SEPTIN9: variants seen among roughly 807,000 people sequenced by gnomAD.
SEPTIN9 encodes septin 9.
In SEPTIN9, 13 loss-of-function variants were observed where a neutral mutation model predicts 56.6. The observed-to-expected ratio is 0.23, with a 90% confidence interval of 0.15 to 0.37. SEPTIN9 has a LOEUF of 0.37. Ranked by LOEUF, SEPTIN9 falls within the 10% of genes least tolerant of loss-of-function variation. The pLI, the probability that SEPTIN9 is intolerant of heterozygous loss-of-function variation, is 1.00. For synonymous variants in SEPTIN9, 332 were observed against 334.1 expected, an observed-to-expected ratio of 0.99 and a Z score of 0.07; for missense variants, 650 against 823.1, an observed-to-expected ratio of 0.79 and a Z score of 2.57.
intron 3 of SEPTIN9, among the ~76,000 whole-genome samples, chr17:77,427,958 A>G (rs1441155579): frequency 6.6e-6 from 1 of 152,198 alleles, no homozygotes; most frequent in Non-Finnish European, 1.5e-5. Context: ...CCCCAGGCCC[A>G]GTTAGCCTGG....
intron 3 of SEPTIN9, among the ~76,000 whole-genome samples, chr17:77,458,821 G>A (rs72887160): frequency 0.01 from 1,548 of 152,356 alleles, 11 homozygotes; most frequent in Middle Eastern, 0.02. Context: ...GTCCCAGGAA[G>A]GTGGAGACTG....
intron 2 of SEPTIN9, among the ~76,000 whole-genome samples, chr17:77,334,207 G>A (rs993267475): frequency 6.6e-6 from 1 of 152,204 alleles, no homozygotes; most frequent in Non-Finnish European, 1.5e-5. Flanking sequence ...CAGATCACGA[G>A]GTCAGGAGAT....
intron 4 of SEPTIN9, among the ~76,000 whole-genome samples, chr17:77,486,667 G>GT (rs1403181086): frequency 6.6e-5 from 10 of 152,068 alleles, no homozygotes; most frequent in African/African-American, 2.4e-4. Flanking sequence ...TGAGGTGTGT[G>GT]TATGAGGTGT....
chr17:77,402,585 C>CCCCAG lies in SEPTIN9; in HGVS notation c.614_618dup (p.Thr207ProfsTer89). On this transcript the variant is annotated frameshift_variant, in exon 3 of 12. Transcript: ENST00000427177. LOFTEE classifies it high-confidence loss of function. This position sits in a 1 kb window ranked among gnomAD's most constrained non-coding sequence, Gnocchi z 6.6. ...CCAAGCCTGCTGAGGCGCCCACCGC[C>CCCCAG]CCCAGCCCAGCCCAGACCTTGGAGA... The CCCCAG allele has an allele frequency of 6.2e-7, 1 of 1,612,204 alleles. No homozygotes were observed.
At position 77,437,012 on chromosome 17, in the gene SEPTIN9, G is replaced by A. The variant is rs2037367325; in HGVS notation, c.721+34309G>A. 6.6e-6 allele frequency among the ~76,000 whole-genome samples: 1 copy of A among 152,226 alleles called. No homozygotes were observed. The highest frequency in any genetic ancestry group is 2.4e-5 in the African/African-American group (1 of 41,454). On this transcript the variant is annotated intron_variant, in intron 3 of 11. Coordinates refer to ENST00000427177, the MANE Select transcript of SEPTIN9 (RefSeq NM_001113491.2). This position sits in a 1 kb window ranked among gnomAD's most constrained non-coding sequence, Gnocchi z 5.3. The stretch of plus-strand genomic sequence containing the variant: ...CTCACTCCCTCGGTTTACAGTGGAG[G>A]AAACTAGAGGCCGAGAGAGGTGAAG...
intron 3 of SEPTIN9, among the ~76,000 whole-genome samples, chr17:77,415,765 C>T (rs561437373): frequency 6.6e-6 from 1 of 152,350 alleles, no homozygotes; most frequent in East Asian, 1.9e-4. Flanking sequence ...GACCAAGGCA[C>T]ACGAGGGAAG....
intron 3 of SEPTIN9, among the ~76,000 whole-genome samples, chr17:77,465,154 T>G (rs2144524266): frequency 6.6e-6 from 1 of 152,360 alleles, no homozygotes; most frequent in East Asian, 1.9e-4. Flanking sequence ...TCATCCACAT[T>G]GTAGCAGGTG....
intron 3 of SEPTIN9, among the ~76,000 whole-genome samples, chr17:77,413,970 T>G (rs1460858574): frequency 2.6e-5 from 4 of 151,890 alleles, no homozygotes; most frequent in Non-Finnish European, 5.9e-5. Context: ...CCTCTCTCTT[T>G]TTTTCTTTTT....
chr17:77,423,293 C>T (rs1291284593), intron 3 of SEPTIN9, among the ~76,000 whole-genome samples: 1 of 152,186 alleles, frequency 6.6e-6, no homozygotes, highest in East Asian at 1.9e-4. Context: ...GCCTCAGCCT[C>T]CCAAAGTGCT....
chr17:77,387,597 C>G (rs2001613), intron 2 of SEPTIN9, among the ~76,000 whole-genome samples: 1 of 151,792 alleles, frequency 6.6e-6, no homozygotes, highest in Non-Finnish European at 1.5e-5. Context: ...TCGGAGACAC[C>G]GCGGATCTCC....
chr17:77,491,853 CCTT>C (rs1218711860), intron 8 of SEPTIN9, among the ~76,000 whole-genome samples: 2 of 151,226 alleles, frequency 1.3e-5, no homozygotes, highest in Admixed American at 6.6e-5. Flanking sequence ...GTCTCTGCCA[CCTT>C]CTTCTCCGCC....
intron 2 of SEPTIN9, among the ~76,000 whole-genome samples, chr17:77,396,551 A>G (rs60551843): frequency 0.12 from 18,855 of 152,042 alleles, 2,952 homozygotes; most frequent in African/African-American, 0.37. Context: ...CACTGTGAGG[A>G]TGGTGGCAGG....
intron 2 of SEPTIN9, among the ~76,000 whole-genome samples, chr17:77,355,065 G>C (rs1031052350): frequency 6.6e-6 from 1 of 152,144 alleles, no homozygotes; most frequent in African/African-American, 2.4e-5. Context: ...GCTTTTCTAC[G>C]TGCCGATTAT....
chr17:77,407,070 C>T (rs2036107758), intron 3 of SEPTIN9, among the ~76,000 whole-genome samples: 1 of 151,822 alleles, frequency 6.6e-6, no homozygotes, highest in African/African-American at 2.4e-5. Flanking sequence ...TTGCTTGAGC[C>T]CAGGAGTTTG....
At chr17:77,381,023 C>A (rs916914298) in intron 2 of SEPTIN9, among the ~76,000 whole-genome samples, 5 of 152,216 alleles carry the variant, frequency 3.3e-5, no homozygotes, top group African/African-American at 1.2e-4. Flanking sequence ...GTTTCGCAGC[C>A]TCCAACCCAT....
intron 2 of SEPTIN9, among the ~76,000 whole-genome samples, chr17:77,343,113 CTT>C (rs978025319): frequency 1.3e-5 from 2 of 151,996 alleles, no homozygotes; most frequent in African/African-American, 2.4e-5. Context: ...TGATGGGTGT[CTT>C]TTTGTTTGCT....
chr17:77,495,181 A>C (rs117256035), intron 10 of SEPTIN9, among the ~76,000 whole-genome samples: 9 of 64,090 alleles, frequency 1.4e-4, no homozygotes, highest in Non-Finnish European at 5.5e-4. Context: ...GAAATGCACA[A>C]GAGAGAGGTC....
chr17:77,423,813 G>A (rs1451686926), intron 3 of SEPTIN9, among the ~76,000 whole-genome samples: 1 of 152,298 alleles, frequency 6.6e-6, no homozygotes, highest in Non-Finnish European at 1.5e-5. Context: ...AGGAGGTGGG[G>A]GTTGCAGAGT....
Position 77,405,290 on chromosome 17 carries a change from G to A in SEPTIN9, c.721+2587G>A. The A allele has an allele frequency of 1.5e-6, 1 of 659,512 alleles. No individual in the cohort carries two copies. Among genetic ancestry groups the A allele is most frequent in the South Asian group, 1.9e-5 (1 of 53,324 alleles). The allele number at this position is 659,512 out of a possible 1,614,324, so 40.9% of individuals were successfully genotyped here. A position where few individuals can be genotyped will look rare whatever the true frequency, so the allele number is the denominator to read the frequency against. The stretch of plus-strand genomic sequence containing the variant: ...CTTTCTGGAGCTCACCGAGCCGTGA[G>A]CAGGATGGCTGGGACACAAGGAGTG... On this transcript the variant is annotated intron_variant, in intron 3 of 11. Coordinates refer to ENST00000427177, the MANE Select transcript of SEPTIN9 (RefSeq NM_001113491.2). This position sits in a 1 kb window ranked among gnomAD's most constrained non-coding sequence, Gnocchi z 5.8.
Sources: gnomAD v4.1 joint callset for allele counts (sites outside exome capture counted in the v4.1 genomes callset) on GRCh38, gnomAD v4.1.1 for gene constraint, Gnocchi (gnomAD v3.1) non-coding constraint, MANE v1.5 for transcripts, NCBI Gene and HGNC (gene_info 2026-07-23, HGNC 2026-07-21) for gene names.